RASGRF2: variants seen among roughly 807,000 people sequenced by gnomAD.
The protein encoded by RASGRF2 is Ras protein specific guanine nucleotide releasing factor 2.
RASGRF2 carries 76 observed loss-of-function variants against 151.0 expected under a neutral mutation model. The ratio of observed to expected loss-of-function variants is 0.50; its 90% CI spans 0.42 to 0.61. The LOEUF is 0.61. Among genes scored for constraint, RASGRF2 ranks in the 20% least tolerant of loss-of-function variants. The pLI is 0.00. For missense variants in RASGRF2, 1,148 were observed against 1,564.6 expected (o/e 0.73, Z 4.49); for synonymous variants, 504 against 566.5 (o/e 0.89, Z 1.57).
chr5:81,138,136 T>C (rs1413317072), intron 17 of RASGRF2, among the ~76,000 whole-genome samples: 1 of 152,204 alleles, frequency 6.6e-6, no homozygotes, highest in African/African-American at 2.4e-5. Context: ...TCTACTGTTA[T>C]CTTACTGGGT....
At chr5:80,983,441 G>C (rs1580166555) in intron 1 of RASGRF2, among the ~76,000 whole-genome samples, 1 of 152,358 alleles carries the variant, frequency 6.6e-6, no homozygotes, top group East Asian at 1.9e-4. Context: ...CCCACCCTAA[G>C]GGCAGCTGCT....
intron 2 of RASGRF2, among the ~76,000 whole-genome samples, chr5:81,048,480 G>A (rs562936091): frequency 2.0e-5 from 3 of 152,200 alleles, no homozygotes; most frequent in East Asian, 1.9e-4. Flanking sequence ...GGGAAAAGTC[G>A]GGCTTGAATT....
intron 17 of RASGRF2, among the ~76,000 whole-genome samples, chr5:81,166,588 A>G (rs13353953): frequency 0.64 from 97,739 of 151,808 alleles, 32,286 homozygotes; most frequent in East Asian, 0.79. Flanking sequence ...GTCACATGTG[A>G]GGGAGTGGCG....
intron 1 of RASGRF2, among the ~76,000 whole-genome samples, chr5:80,964,500 A>G (rs1333967096): frequency 6.6e-6 from 1 of 152,060 alleles, no homozygotes; most frequent in East Asian, 1.9e-4. Flanking sequence ...CATCATCGTT[A>G]TTATTACCTA....
chr5:81,218,575 G>C (rs1020802084), intron 25 of RASGRF2, among the ~76,000 whole-genome samples: 1 of 152,160 alleles, frequency 6.6e-6, no homozygotes, highest in Non-Finnish European at 1.5e-5. Flanking sequence ...TTTTGTACCA[G>C]TACCACGCTG....
intron 1 of RASGRF2, among the ~76,000 whole-genome samples, chr5:80,995,124 C>T (rs895631597): frequency 1.3e-5 from 2 of 151,800 alleles, no homozygotes; most frequent in African/African-American, 4.8e-5. Flanking sequence ...GGCGCAGTGG[C>T]GGGTGCCTGT....
chr5:81,207,927 C>T (rs1256325700), intron 21 of RASGRF2, among the ~76,000 whole-genome samples: 5 of 152,252 alleles, frequency 3.3e-5, no homozygotes, highest in Non-Finnish European at 7.3e-5. Flanking sequence ...GGAGAAAATT[C>T]TGCTTCTGAC....
At chr5:81,040,271 A>T (rs1750638749) in intron 1 of RASGRF2, among the ~76,000 whole-genome samples, 1 of 152,160 alleles carries the variant, frequency 6.6e-6, no homozygotes. Context: ...AGCCTCCAAA[A>T]GTGGTGCGAT....
chr5:80,980,304 G>A lies in RASGRF2; in HGVS notation c.288+19278G>A, dbSNP rs1055608620. Among the ~76,000 whole-genome samples, 4 of 152,108 alleles carry A rather than the reference G, an allele frequency of 2.6e-5. No homozygotes were observed. The South Asian group carries it at 8.3e-4, about 32-fold the overall frequency. On this transcript the variant is annotated intron_variant, in intron 1 of 26. Transcript: ENST00000265080. ...CTTCTCCATCATGGCTTTCCATGTGGCTTTTGGAAATGAGGGTGATTTTGG... is the reference window on the plus strand; with the variant it reads ...CTTCTCCATCATGGCTTTCCATGTGACTTTTGGAAATGAGGGTGATTTTGG...
intron 1 of RASGRF2, among the ~76,000 whole-genome samples, chr5:80,975,318 T>A (rs1184865774): frequency 3.9e-5 from 6 of 152,094 alleles, no homozygotes; most frequent in African/African-American, 1.4e-4. Context: ...AACAGATTTT[T>A]TTTTTTCTTT....
chr5:81,037,269 A>G (rs560882143), intron 1 of RASGRF2, among the ~76,000 whole-genome samples: 1 of 152,296 alleles, frequency 6.6e-6, no homozygotes, highest in South Asian at 2.1e-4. Context: ...TCTACAAGGA[A>G]TATTTTTCAA....
intron 17 of RASGRF2, among the ~76,000 whole-genome samples, chr5:81,139,149 T>C (rs1041846620): frequency 2.0e-5 from 3 of 152,168 alleles, no homozygotes; most frequent in African/African-American, 7.2e-5. Context: ...TTTGACTCTT[T>C]TTGGTGTTAT....
intron 12 of RASGRF2, among the ~76,000 whole-genome samples, chr5:81,106,702 C>T (rs1752856866): frequency 6.6e-6 from 1 of 152,104 alleles, no homozygotes; most frequent in African/African-American, 2.4e-5. Context: ...GTAGTGTGGC[C>T]TTTCTTGGGG....
At chr5:81,205,561 G>T (rs988372002) in intron 19 of RASGRF2, among the ~76,000 whole-genome samples, 1 of 152,006 alleles carries the variant, frequency 6.6e-6, no homozygotes, top group Non-Finnish European at 1.5e-5. Flanking sequence ...TGTTTTTGAG[G>T]GTTGTGGCTG....
rs184894505 is a variant in RASGRF2 at position 81,122,726 on chromosome 5, A to G, written c.2471-916A>G. On this transcript the variant is annotated intron_variant, in intron 15 of 26. Transcript: ENST00000265080. ...AGAATGGAAGAATCGTTGGAAATGT[A>G]TTACATTTTTGTGGTATTTTTCTCT... Among the ~76,000 whole-genome samples the G allele has an allele frequency of 1.4e-3, 214 of 152,340 alleles. 1 individual carries two copies. Among genetic ancestry groups the G allele is most frequent in the African/African-American group, 4.9e-3 (205 of 41,572 alleles).
intron 19 of RASGRF2, chr5:81,204,440 G>T (rs1755462549): frequency 6.6e-6 from 1 of 152,134 alleles, no homozygotes; most frequent in Non-Finnish European, 1.5e-5. Flanking sequence ...TCATGCATAG[G>T]TTACATTAAT....
chr5:80,994,392 A>G (rs1018171741), intron 1 of RASGRF2, among the ~76,000 whole-genome samples: 2 of 149,122 alleles, frequency 1.3e-5, no homozygotes, highest in African/African-American at 2.4e-5. Context: ...AAGAGGTAGT[A>G]GGTCAAAGCA....
At chr5:81,032,122 A>G (rs1247978791) in intron 1 of RASGRF2, among the ~76,000 whole-genome samples, 3 of 152,234 alleles carry the variant, frequency 2.0e-5, no homozygotes, top group African/African-American at 7.2e-5. Context: ...CCCTGAATAG[A>G]CCAATAACAG....
At chr5:81,152,308 T>C (rs1047721005) in intron 17 of RASGRF2, among the ~76,000 whole-genome samples, 1 of 152,178 alleles carries the variant, frequency 6.6e-6, no homozygotes, top group African/African-American at 2.4e-5. Context: ...GGCCGAGATA[T>C]TTTTGTTCAA....
Sources: gnomAD v4.1 joint callset for allele counts (sites outside exome capture counted in the v4.1 genomes callset) on GRCh38, gnomAD v4.1.1 for gene constraint, MANE v1.5 for transcripts, NCBI Gene and HGNC (gene_info 2026-07-23, HGNC 2026-07-21) for gene names.